WWP2: variants seen among roughly 807,000 people sequenced by gnomAD.
WWP2 encodes the protein NEDD4-like E3 ubiquitin-protein ligase WWP2.
WWP2 carries 57 observed loss-of-function variants against 121.0 expected under a neutral mutation model. The ratio of observed to expected loss-of-function variants is 0.47; its 90% CI spans 0.38 to 0.59. The LOEUF (loss-of-function observed/expected upper bound fraction) is 0.59, where lower values mean the gene tolerates loss of function less well. Among genes scored for constraint, WWP2 ranks in the 20% least tolerant of loss-of-function variants. The pLI is 0.00. For synonymous variants in WWP2, 449 were observed against 441.3 expected (o/e 1.02, Z -0.22); for missense variants, 962 against 1,158.9 (o/e 0.83, Z 2.47).
chr16:69,888,554 T>C (rs2057969802), intron 8 of WWP2, among the ~76,000 whole-genome samples: 1 of 152,198 alleles, frequency 6.6e-6, no homozygotes, highest in African/African-American at 2.4e-5. Flanking sequence ...CATTGGAGGA[T>C]GTTCGCCTAG....
At chr16:69,914,957 G>A (rs1414429193) in intron 9 of WWP2, among the ~76,000 whole-genome samples, 3 of 152,204 alleles carry the variant, frequency 2.0e-5, no homozygotes, top group Admixed American at 2.0e-4. Context: ...GAATGAATGG[G>A]ATGCAAGACA....
Position 69,836,245 on chromosome 16 carries a change from G to T in WWP2, c.341-3881G>T, listed in dbSNP as rs137933573. ...AAGGTTTAGTCACAATTCACGCATG[G>T]CATTTGTTGGTTTTCTTTAGATCTA... On this transcript the variant is annotated intron_variant, in intron 4 of 23. Coordinates refer to ENST00000359154, the MANE Select transcript of WWP2 (RefSeq NM_001270454.2). Among the ~76,000 whole-genome samples, 977 of 151,566 alleles carry T rather than the reference G, an allele frequency of 6.4e-3. 11 individuals are homozygous for T. Among genetic ancestry groups the T allele is most frequent in the African/African-American group, 0.022 (909 of 41,368 alleles).
chr16:69,830,569 A>T (rs1272494964), intron 4 of WWP2, among the ~76,000 whole-genome samples: 1 of 152,188 alleles, frequency 6.6e-6, no homozygotes. Flanking sequence ...AGACTGCAAG[A>T]CCAAGCCAGA....
intron 4 of WWP2, among the ~76,000 whole-genome samples, chr16:69,822,568 T>C (rs926587163): frequency 6.6e-6 from 1 of 151,970 alleles, no homozygotes; most frequent in African/African-American, 2.4e-5. Flanking sequence ...TGTGTGTTCA[T>C]GCATGTGTGT....
intron 4 of WWP2, among the ~76,000 whole-genome samples, chr16:69,824,287 G>A (rs891008975): frequency 1.3e-5 from 2 of 152,114 alleles, no homozygotes; most frequent in African/African-American, 4.8e-5. Context: ...TTTTCTTAGT[G>A]TAGGAGGCTT....
intron 7 of WWP2, among the ~76,000 whole-genome samples, chr16:69,886,837 G>A (rs980166133): frequency 2.0e-5 from 3 of 152,208 alleles, no homozygotes; most frequent in Non-Finnish European, 2.9e-5. Flanking sequence ...TGAGCTCCCT[G>A]TAAGAAACGT....
At chr16:69,909,166 A>G in intron 9 of WWP2, 1 of 1,041,918 alleles carries the variant, frequency 9.6e-7, no homozygotes, top group South Asian at 4.1e-5. Context: ...GCTTCGTGAG[A>G]ATGCCGCCAA....
At chr16:69,792,541 C>T (rs942828646) in intron 2 of WWP2, among the ~76,000 whole-genome samples, 1 of 152,140 alleles carries the variant, frequency 6.6e-6, no homozygotes, top group Admixed American at 6.6e-5. Context: ...AAGAAATATT[C>T]AAAATATCAC....
At chr16:69,843,985 T>C (rs1424688080) in intron 6 of WWP2, among the ~76,000 whole-genome samples, 2 of 152,244 alleles carry the variant, frequency 1.3e-5, no homozygotes, top group African/African-American at 4.8e-5. Context: ...AGGACAGCTG[T>C]CAGCTTCTCC....
At chr16:69,892,823 T>A (rs1213890102) in intron 8 of WWP2, among the ~76,000 whole-genome samples, 1 of 152,236 alleles carries the variant, frequency 6.6e-6, no homozygotes, top group Non-Finnish European at 1.5e-5. Context: ...CATGAGCCAC[T>A]GCGCCCGGCC....
At chr16:69,795,650 T>TTG (rs1555546601) in intron 2 of WWP2, among the ~76,000 whole-genome samples, 2 of 20,002 alleles carry the variant, frequency 1.0e-4, no homozygotes, top group Non-Finnish European at 1.2e-4. Flanking sequence ...AAATAGGAGG[T>TTG]TTTTTTTTTT....
At chr16:69,796,247 T>G (rs775231290) in intron 2 of WWP2, among the ~76,000 whole-genome samples, 1 of 152,168 alleles carries the variant, frequency 6.6e-6, no homozygotes, top group Non-Finnish European at 1.5e-5. Context: ...AAAGTGTGTA[T>G]GTGTATGAGC....
chr16:69,897,785 G>A (rs1230056049), intron 8 of WWP2, among the ~76,000 whole-genome samples: 1 of 151,918 alleles, frequency 6.6e-6, no homozygotes, highest in Non-Finnish European at 1.5e-5. Flanking sequence ...GCGCATGCCT[G>A]TAGTCCCAGC....
At chr16:69,847,189 A>G (rs887628732) in intron 6 of WWP2, among the ~76,000 whole-genome samples, 6 of 152,064 alleles carry the variant, frequency 3.9e-5, no homozygotes, top group Admixed American at 6.6e-5. Flanking sequence ...GGTTCAAGCA[A>G]TTCTCCTGTC....
intron 1 of WWP2, among the ~76,000 whole-genome samples, chr16:69,786,427 C>T (rs1030756368): frequency 6.8e-6 from 1 of 147,994 alleles, no homozygotes; most frequent in South Asian, 2.1e-4. Flanking sequence ...GCATGAGCCA[C>T]TGCGCCCAGC....
intron 9 of WWP2, among the ~76,000 whole-genome samples, chr16:69,911,490 G>A (rs1187701346): frequency 6.6e-6 from 1 of 152,182 alleles, no homozygotes; most frequent in Non-Finnish European, 1.5e-5. Context: ...GGATGCATGG[G>A]GTGGTTATGC....
intron 8 of WWP2, among the ~76,000 whole-genome samples, chr16:69,904,518 G>A (rs924550005): frequency 6.6e-6 from 1 of 151,884 alleles, no homozygotes; most frequent in Non-Finnish European, 1.5e-5. Context: ...ACAGGTATGT[G>A]CCAGCACATC....
At chr16:69,842,857 T>G (rs989807328) in intron 6 of WWP2, among the ~76,000 whole-genome samples, 6 of 152,150 alleles carry the variant, frequency 3.9e-5, no homozygotes, top group African/African-American at 1.2e-4. Flanking sequence ...TTTGTAGAGA[T>G]AGGGTTTTAC....
At chr16:69,931,316 G>A in intron 14 of WWP2, 89 bp downstream of exon 14, 1 of 1,563,874 alleles carries the variant, frequency 6.4e-7, no homozygotes, top group African/African-American at 1.4e-5. Context: ...GTATCGGAAT[G>A]TTTGTGTCTT....
Sources: gnomAD v4.1 joint callset for allele counts (sites outside exome capture counted in the v4.1 genomes callset) on GRCh38, gnomAD v4.1.1 for gene constraint, MANE v1.5 for transcripts, NCBI Gene and HGNC (gene_info 2026-07-23, HGNC 2026-07-21) for gene names.